LRRC8C: variants seen among roughly 807,000 people sequenced by gnomAD.
LRRC8C encodes leucine rich repeat containing 8 VRAC subunit C.
In LRRC8C, 20 loss-of-function variants were observed where a neutral mutation model predicts 55.3. That is an observed-to-expected ratio of 0.36 (90% CI 0.25 to 0.53). The LOEUF is 0.53. LRRC8C is among the 20% of genes least tolerant of loss of function. LRRC8C has a pLI of 0.92. For missense variants in LRRC8C, 659 were observed against 951.4 expected (o/e 0.69, Z 4.04); for synonymous variants, 376 against 360.7 (o/e 1.04, Z -0.48).
At position 89,718,455 on chromosome 1, in the gene LRRC8C, AAG is replaced by A. The variant is rs1029876507; in HGVS notation, c.*3475_*3476del. On this transcript the variant is annotated 3_prime_UTR_variant, in exon 3 of 3. Coordinates refer to ENST00000370454, the MANE Select transcript of LRRC8C (RefSeq NM_032270.5). ...TATTTCAGGATTTCTGATATTAAAA[AAG>A]AAAAAACAAAATCTTTATATCTCTT... 4.6e-5 allele frequency: 7 copies of A among 152,194 alleles called. No homozygotes were observed. The highest frequency in any genetic ancestry group is 8.8e-5 in the Non-Finnish European group (6 of 68,028). The allele number at this position is 152,194 out of a possible 1,614,324, so 9.4% of individuals were successfully genotyped here. A position where few individuals can be genotyped will look rare whatever the true frequency, so the allele number is the denominator to read the frequency against.
intron 1 of LRRC8C, among the ~76,000 whole-genome samples, chr1:89,646,699 A>C (rs1204806467): frequency 6.6e-6 from 1 of 152,138 alleles, no homozygotes; most frequent in Non-Finnish European, 1.5e-5. Context: ...ATCAGAACTA[A>C]GCAATTATAT....
upstream of LRRC8C, among the ~76,000 whole-genome samples, chr1:89,631,181 G>C (rs112801968): frequency 2.6e-5 from 4 of 152,146 alleles, no homozygotes; most frequent in African/African-American, 9.7e-5. Flanking sequence ...TTGGTGCTTT[G>C]AGCATATTAG....
At chr1:89,675,992 C>G (rs1337033869) in intron 1 of LRRC8C, among the ~76,000 whole-genome samples, 2 of 151,898 alleles carry the variant, frequency 1.3e-5, no homozygotes, top group African/African-American at 4.9e-5. Context: ...TAGATCTCAG[C>G]TTAGCCTCAT....
chr1:89,622,285 T>C, the LRRC8C span, among the ~76,000 whole-genome samples: 1 of 151,992 alleles, frequency 6.6e-6, no homozygotes, highest in Non-Finnish European at 1.5e-5. Context: ...AATAGTAAGA[T>C]TACCTGTTAT....
At position 89,694,681 on chromosome 1, in the gene LRRC8C, G is replaced by T. The variant is rs921909265; in HGVS notation, c.138+8070G>T. On this transcript the variant is annotated intron_variant, in intron 2 of 2. Coordinates refer to ENST00000370454, the MANE Select transcript of LRRC8C (RefSeq NM_032270.5). ...TGATCTCACTGCAACTCCACTTCCC[G>T]GGTTCAAGTGGTTCTCCTGCCTCAG... 2.2e-5 allele frequency among the ~76,000 whole-genome samples: 3 copies of T among 134,270 alleles called. No homozygotes were observed. In the Admixed American group the frequency reaches 2.6e-4, roughly 12 times the overall value. The allele number at this position is 134,270 out of a possible 152,430, so 88.1% of individuals were successfully genotyped here.
the LRRC8C span, among the ~76,000 whole-genome samples, chr1:89,627,978 T>C: frequency 6.6e-6 from 1 of 152,186 alleles, no homozygotes; most frequent in East Asian, 1.9e-4. Flanking sequence ...ATAGTGCAAA[T>C]ATTCAAAATC....
intron 2 of LRRC8C, among the ~76,000 whole-genome samples, chr1:89,702,030 G>T (rs138678820): frequency 2.2e-4 from 34 of 152,166 alleles, no homozygotes; most frequent in African/African-American, 7.7e-4. Flanking sequence ...AAAATATAGC[G>T]ATTAACTGGA....
rs1011029366 is a variant in LRRC8C, at chr1:89,712,309, C to T, written c.139-400C>T. 8.5e-5 allele frequency among the ~76,000 whole-genome samples: 13 copies of T among 152,168 alleles called. No homozygotes were observed. The East Asian group carries it at 2.1e-3, about 25-fold the overall frequency. ...CGTATTTTTAGTAGAGACAGGGTTT[C>T]GCCATGTTGGCCAGGCTGGTTTCAA... On this transcript the variant is annotated intron_variant, in intron 2 of 2. Coordinates refer to ENST00000370454, the MANE Select transcript of LRRC8C (RefSeq NM_032270.5).
chr1:89,709,782 C>T (rs1169457692), intron 2 of LRRC8C, among the ~76,000 whole-genome samples: 3 of 143,932 alleles, frequency 2.1e-5, no homozygotes, highest in Admixed American at 7.1e-5. Flanking sequence ...GACGGAGTCT[C>T]GCTCTGTCGC....
intron 1 of LRRC8C, among the ~76,000 whole-genome samples, chr1:89,664,275 G>A (rs183237372): frequency 6.6e-6 from 1 of 152,278 alleles, no homozygotes; most frequent in East Asian, 1.9e-4. Flanking sequence ...ATGGTTTTAT[G>A]TCTTACAGTT....
chr1:89,695,293 T>A (rs1226748385), intron 2 of LRRC8C, among the ~76,000 whole-genome samples: 1 of 152,204 alleles, frequency 6.6e-6, no homozygotes, highest in African/African-American at 2.4e-5. Flanking sequence ...ATGTTAAGTT[T>A]CCTAAGAAGT....
intron 1 of LRRC8C, among the ~76,000 whole-genome samples, chr1:89,678,436 C>T (rs181527063): frequency 3.9e-5 from 6 of 152,270 alleles, no homozygotes. Context: ...CATGGTGGCC[C>T]CTGCCTCTAA....
At chr1:89,688,929 T>C (rs188872583) in intron 2 of LRRC8C, among the ~76,000 whole-genome samples, 3 of 152,324 alleles carry the variant, frequency 2.0e-5, no homozygotes, top group East Asian at 1.9e-4. Flanking sequence ...ACTAGAGATA[T>C]TGGTTCCTTT....
chr1:89,627,649 A>G, the LRRC8C span, among the ~76,000 whole-genome samples: 2 of 152,352 alleles, frequency 1.3e-5, no homozygotes, highest in South Asian at 4.1e-4. Context: ...AGGATTAAGT[A>G]GTGAGTAAGC....
chr1:89,620,630 C>T, the LRRC8C span, among the ~76,000 whole-genome samples: 2 of 150,480 alleles, frequency 1.3e-5, no homozygotes, highest in Non-Finnish European at 3.0e-5. Flanking sequence ...TACAGAAATT[C>T]AGTCATCATA....
rs1658776139 is a variant in LRRC8C, at chr1:89,715,017, T to G, written c.*35T>G. 1 of 1,458,574 alleles carries G rather than the reference T, an allele frequency of 6.9e-7. No homozygotes were observed. Among genetic ancestry groups the G allele is most frequent in the Non-Finnish European group, 9.3e-7 (1 of 1,075,380 alleles). The allele number at this position is 1,458,574 out of a possible 1,614,324, so 90.4% of individuals were successfully genotyped here. On this transcript the variant is annotated 3_prime_UTR_variant, in exon 3 of 3. Coordinates refer to ENST00000370454, the MANE Select transcript of LRRC8C (RefSeq NM_032270.5). ...CGTTAAAGTTTGACTGAAACACGCT[T>G]CTACCAAATACAGTATAAATAATTA...
intron 1 of LRRC8C, among the ~76,000 whole-genome samples, chr1:89,645,563 G>A (rs944407578): frequency 1.3e-5 from 2 of 152,082 alleles, no homozygotes; most frequent in African/African-American, 4.8e-5. Flanking sequence ...CCATTCCTGG[G>A]TATATTACCA....
chr1:89,661,260 G>A, intron 1 of LRRC8C: 1 of 283,994 alleles, frequency 3.5e-6, no homozygotes, highest in East Asian at 9.4e-5. Context: ...CACAATTACT[G>A]AGTAGAACTT....
At position 89,657,771 on chromosome 1, in the gene LRRC8C, A is replaced by G. The variant is rs527445639; in HGVS notation, c.-5+24449A>G. Among the ~76,000 whole-genome samples, 15 of 152,034 alleles carry G rather than the reference A, an allele frequency of 9.9e-5. 1 individual carries two copies. The South Asian group carries it at 1.9e-3, about 19-fold the overall frequency. ...AAAAAAAAAAAAAAAGATGCTTAGT[A>G]TAATGAAAAGTTACTAAGAATTTCT... On this transcript the variant is annotated intron_variant, in intron 1 of 2. Coordinates refer to ENST00000370454, the MANE Select transcript of LRRC8C (RefSeq NM_032270.5).
Sources: gnomAD v4.1 joint callset for allele counts (sites outside exome capture counted in the v4.1 genomes callset) on GRCh38, gnomAD v4.1.1 for gene constraint, MANE v1.5 for transcripts, NCBI Gene and HGNC (gene_info 2026-07-23, HGNC 2026-07-21) for gene names.